Variants in PTCH1 observed in about 807,000 individuals in gnomAD.
PTCH1 encodes the protein protein patched homolog 1.
Under a neutral mutation model 144.6 loss-of-function variants are expected in PTCH1, and 14 were observed. That is an observed-to-expected ratio of 0.10 (90% CI 0.06 to 0.15). The LOEUF (loss-of-function observed/expected upper bound fraction) is 0.15. PTCH1 is among the 10% of genes least tolerant of loss of function. The probability of loss-of-function intolerance (pLI) is 1.00; values close to 1 mark genes in which losing one functional copy is unlikely to be tolerated. For missense variants in PTCH1, 1,623 were observed against 1,948.3 expected, an observed-to-expected ratio of 0.83 and a Z score of 3.14; for synonymous variants, 833 against 793.6, an observed-to-expected ratio of 1.05 and a Z score of -0.83.
chr9:95,450,184 A>C (rs1054220467), intron 20 of PTCH1: 56 of 539,244 alleles, frequency 1.0e-4, no homozygotes, highest in Admixed American at 1.0e-3. Flanking sequence ...GGGAAGAAAA[A>C]AAAAATTAGT....
At chr9:95,481,822 G>T in intron 5 of PTCH1, 127 bp downstream of exon 5, 1 of 917,382 alleles carries the variant, frequency 1.1e-6, no homozygotes, top group Non-Finnish European at 1.7e-6. Context: ...CTCAAAAAAT[G>T]CACATGGAAT....
chr9:95,497,825 A>C (rs1337115374), intron 2 of PTCH1, among the ~76,000 whole-genome samples: 3 of 152,198 alleles, frequency 2.0e-5, no homozygotes, highest in Non-Finnish European at 4.4e-5. Context: ...GTAGTTTCAA[A>C]TCTTGACTGT....
At chr9:95,511,721 A>G (rs1461198810), upstream of PTCH1, among the ~76,000 whole-genome samples, 1 of 152,216 alleles carries the variant, frequency 6.6e-6, no homozygotes, top group African/African-American at 2.4e-5. Flanking sequence ...TAGGTTTGAT[A>G]AATAGCACAA....
At position 95,493,820 on chromosome 9, in the gene PTCH1, A is replaced by G. The variant is rs565422427; in HGVS notation, c.395-7946T>C. On this transcript the variant is annotated intron_variant, in intron 2 of 23. Transcript: ENST00000331920. Reference sequence around the variant, plus strand: ...GAAAAACAAAAAAAAAAGAAAATTCAGTAATGTGAGCAATTGGCTGAAAAT... The same window carrying G: ...GAAAAACAAAAAAAAAAGAAAATTCGGTAATGTGAGCAATTGGCTGAAAAT... Among the ~76,000 whole-genome samples the G allele has an allele frequency of 2.1e-3, 317 of 152,034 alleles. 1 individual carries two copies. Among genetic ancestry groups the G allele is most frequent in the African/African-American group, 7.3e-3 (302 of 41,478 alleles).
intron 2 of PTCH1, among the ~76,000 whole-genome samples, chr9:95,486,682 G>A (rs761271452): frequency 3.9e-4 from 59 of 152,384 alleles, no homozygotes; most frequent in Non-Finnish European, 5.1e-4. Context: ...AGCCAGCGCA[G>A]GAGCAGGTGA....
Position 95,506,395 on chromosome 9 carries a change from G to A in PTCH1, c.394+12C>T, listed in dbSNP as rs371356396. The stretch of plus-strand genomic sequence containing the variant: ...GGGCCGGGGGCGCGGGCGCCGCGGC[G>A]GGCGCTCTTACCTTCCACCCACAGC... On this transcript the variant is annotated intron_variant, in intron 2 of 23. Coordinates refer to ENST00000331920, the MANE Select transcript of PTCH1 (RefSeq NM_000264.5). 18 of 1,607,202 alleles carry A rather than the reference G, an allele frequency of 1.1e-5. No individual in the cohort carries two copies. In the African/African-American group the frequency reaches 2.4e-4, roughly 22 times the overall value.
rs367829516 is a variant in PTCH1 at position 95,514,405 on chromosome 9, G to A, written c.3+2064C>T. ...TCATTTCAGTGATCTCTGCTATTGGGTCCTGCATGAAAAAGAAGCTGAGCA... is the reference window on the plus strand; with the variant it reads ...TCATTTCAGTGATCTCTGCTATTGGATCCTGCATGAAAAAGAAGCTGAGCA... On this transcript the variant is annotated intron_variant, in intron 1 of 22. Transcript: ENST00000430669. 4.6e-5 allele frequency: 7 copies of A among 152,240 alleles called. 1 individual carries two copies. Among genetic ancestry groups the A allele is most frequent in the South Asian group, 4.1e-4 (2 of 4,820 alleles). 9.4% of individuals were successfully genotyped at this position (152,240 alleles called of 1,614,324 possible). A position where few individuals can be genotyped will look rare whatever the true frequency, so the allele number is the denominator to read the frequency against.
At chr9:95,514,643 TGTGTGA>T (rs1289770754) in intron 1 of PTCH1, 1 of 140,312 alleles carries the variant, frequency 7.1e-6, no homozygotes, top group African/African-American at 2.7e-5. Context: ...TGTGTGTGTG[TGTGTGA>T]GAGAGAGAGA....
chr9:95,514,450 C>G (rs1844277420), intron 1 of PTCH1: 1 of 152,208 alleles, frequency 6.6e-6, no homozygotes, highest in Non-Finnish European at 1.5e-5. Context: ...CTTTGACCCA[C>G]TGCTGGAGCA....
rs1729038758 is a variant in PTCH1, at chr9:95,476,378, A to G, written c.1603-219T>C. ...TCTTCATGGTTATTACCATCCAGAG[A>G]AGAAAGCTGCAAGATAATGACTTAA... On this transcript the variant is annotated intron_variant, in intron 11 of 23. Transcript: ENST00000331920. This position sits in a 1 kb window ranked among gnomAD's most constrained non-coding sequence, Gnocchi z 4.6. Among the ~76,000 whole-genome samples the G allele has an allele frequency of 6.6e-6, 1 of 152,226 alleles. No individual in the cohort carries two copies. Among genetic ancestry groups the G allele is most frequent in the Admixed American group, 6.5e-5 (1 of 15,286 alleles).
At position 95,468,905 on chromosome 9, in the gene PTCH1, C is replaced by A. The variant is rs547829353; in HGVS notation, c.2096G>T (p.Cys699Phe). ...GGAGCTGGTGCTCTCTGGGCTCTGGCAGCTGAGGGTGTCCTGTGTCACGGT... is the reference window on the plus strand; with the variant it reads ...GGAGCTGGTGCTCTCTGGGCTCTGGAAGCTGAGGGTGTCCTGTGTCACGGT... ...PVTVTQDTLSCQSPESTSSTR... is the reference protein window; with the variant it reads ...PVTVTQDTLSFQSPESTSSTR... Residue 699 changes from cysteine to phenylalanine, a missense_variant, in exon 14 of 24, where the codon TGC (cysteine) becomes TTC (phenylalanine). Transcript: ENST00000331920. 6.8e-6 allele frequency: 11 copies of A among 1,614,032 alleles called. No homozygotes were observed. The South Asian group carries it at 1.1e-4, about 16-fold the overall frequency.
chr9:95,482,388 A>C, intron 3 of PTCH1, 185 bp from the exon 4 acceptor site: 2 of 619,092 alleles, frequency 3.2e-6, no homozygotes, highest in Non-Finnish European at 5.7e-6. Flanking sequence ...ATAATACTCA[A>C]TCGTAATTAA....
At chr9:95,462,841 T>C (rs901828765) in intron 15 of PTCH1, among the ~76,000 whole-genome samples, 3 of 152,228 alleles carry the variant, frequency 2.0e-5, no homozygotes, top group African/African-American at 7.2e-5. Context: ...ACAGCTGCGC[T>C]TGGCCTCAGT....
chr9:95,506,195 G>C (rs191867316), intron 2 of PTCH1: 22 of 409,436 alleles, frequency 5.4e-5, no homozygotes, highest in South Asian at 5.8e-5. Context: ...ACCACACCTC[G>C]GCCGGCGCAG....
exon 1 of PTCH1, chr9:95,516,913 A>T (rs1402598785): frequency 1.9e-6 from 2 of 1,037,996 alleles, no homozygotes; most frequent in Non-Finnish European, 2.8e-6. Context: ...CAATAAACTC[A>T]AGGAAAGCAA....
chr9:95,448,320 AC>A (rs1181307010), intron 22 of PTCH1, among the ~76,000 whole-genome samples: 1 of 152,150 alleles, frequency 6.6e-6, no homozygotes, highest in Admixed American at 6.5e-5. Flanking sequence ...GGACTGGAAT[AC>A]CCATTTCCTG....
At chr9:95,485,653 G>A (rs769724791) in intron 3 of PTCH1, 32 bp downstream of exon 3, 3 of 1,613,440 alleles carry the variant, frequency 1.9e-6, no homozygotes, top group Admixed American at 1.7e-5. Flanking sequence ...CTTACCTGCT[G>A]CTCATTAGTA....
intron 16 of PTCH1, among the ~76,000 whole-genome samples, chr9:95,461,529 G>C (rs1449677948): frequency 6.6e-6 from 1 of 152,176 alleles, no homozygotes; most frequent in Non-Finnish European, 1.5e-5. Flanking sequence ...TCCTAGAACT[G>C]AAAGAATCAC....
rs1837977676 is a variant in PTCH1 at position 95,447,062 on chromosome 9, GC to G, written c.4193del (p.Cys1398SerfsTer54). On this transcript the variant is annotated frameshift_variant, in exon 23 of 24. Coordinates refer to ENST00000331920, the MANE Select transcript of PTCH1 (RefSeq NM_000264.5). LOFTEE classifies it high-confidence loss of function. ...GPGRNPRGGL[C>X]PGYPETDHGL... ...CGTGGTCAGTCTCAGGGTAGCCTGG[GC>G]AGAGTCCCCCTCGGGGGTTCCGCCC... The G allele has an allele frequency of 6.2e-7, 1 of 1,614,148 alleles. No individual in the cohort carries two copies. The highest frequency in any genetic ancestry group is 8.5e-7 in the Non-Finnish European group (1 of 1,180,034).
Sources: allele counts gnomAD v4.1 joint callset (sites outside exome capture counted in the v4.1 genomes callset), GRCh38; gene constraint gnomAD v4.1.1; non-coding constraint Gnocchi (gnomAD v3.1); transcripts MANE v1.5; gene names NCBI Gene and HGNC (gene_info 2026-07-23, HGNC 2026-07-21).